The following PCDHGA10 variants were observed in gnomAD, a reference collection of about 807,000 sequenced individuals.
PCDHGA10 encodes the protein protocadherin gamma-A10.
PCDHGA10 carries 42 observed loss-of-function variants against 59.5 expected under a neutral mutation model. That is an observed-to-expected ratio of 0.71 (90% confidence interval 0.55 to 0.91). PCDHGA10 has a LOEUF of 0.91. Ranked by LOEUF, PCDHGA10 falls within the 40% of genes least tolerant of loss-of-function variation. The pLI, the probability that PCDHGA10 is intolerant of heterozygous loss-of-function variation, is 0.00. For synonymous variants in PCDHGA10, 511 were observed against 517.2 expected (o/e 0.99, Z 0.16); for missense variants, 1,111 against 1,198.2 (o/e 0.93, Z 1.07).
intron 1 of PCDHGA10, among the ~76,000 whole-genome samples, chr5:141,438,872 G>T (rs13178044): frequency 0.11 from 16,734 of 151,118 alleles, 1,094 homozygotes; most frequent in African/African-American, 0.17. Flanking sequence ...CATCAAGTTG[G>T]CCAGGCTGCT....
chr5:141,431,273 C>T lies in PCDHGA10; in HGVS notation c.2436+15662C>T, dbSNP rs752219345. 54 of 1,614,068 alleles carry T rather than the reference C, an allele frequency of 3.3e-5. No individual in the cohort carries two copies. Among genetic ancestry groups the T allele is most frequent in the Non-Finnish European group, 4.1e-5 (48 of 1,180,052 alleles). On this transcript the variant is annotated intron_variant, in intron 1 of 3. Transcript: ENST00000398610. The surrounding 1 kb of genome is among the most constrained non-coding windows in gnomAD (Gnocchi z 4.8). Reference sequence around the variant, plus strand: ...GAAGAACTCTCTGCAGAGCTACGAGCTCAGCCCGAACACTCACTTCTCCCT... The same window carrying T: ...GAAGAACTCTCTGCAGAGCTACGAGTTCAGCCCGAACACTCACTTCTCCCT...
chr5:141,421,766 C>T, intron 1 of PCDHGA10: 2 of 1,613,868 alleles, frequency 1.2e-6, no homozygotes, highest in South Asian at 1.1e-5. Context: ...AATTACTTTT[C>T]CTTGCAACTG....
chr5:141,485,408 T>G lies in PCDHGA10; in HGVS notation c.2437-9399T>G. On this transcript the variant is annotated intron_variant, in intron 1 of 3. Transcript: ENST00000398610. The surrounding 1 kb of genome is among the most constrained non-coding windows in gnomAD (Gnocchi z 5.7). ...GAACCAAAGACACTTCCGTGTGGAT[T>G]TGGACAGCGGAGCCCTGCTCATCAA... 1 of 1,614,112 alleles carries G rather than the reference T, an allele frequency of 6.2e-7. No individual in the cohort carries two copies. The highest frequency in any genetic ancestry group is 8.5e-7 in the Non-Finnish European group (1 of 1,180,034).
intron 1 of PCDHGA10, chr5:141,419,815 A>T: frequency 6.2e-7 from 1 of 1,613,988 alleles, no homozygotes. Context: ...GAGGACAGCC[A>T]CCCCTTTCAG....
chr5:141,435,026 C>A (rs977017371), intron 1 of PCDHGA10, among the ~76,000 whole-genome samples: 4 of 151,978 alleles, frequency 2.6e-5, no homozygotes, highest in Non-Finnish European at 5.9e-5. Context: ...GCTCTTTTCC[C>A]ACTTTTATTT....
At chr5:141,459,891 CT>C (rs1405964049) in intron 1 of PCDHGA10, among the ~76,000 whole-genome samples, 1 of 152,158 alleles carries the variant, frequency 6.6e-6, no homozygotes, top group African/African-American at 2.4e-5. Flanking sequence ...TGAACGCCTT[CT>C]TAAAATTGAG....
At chr5:141,465,767 T>A (rs1427458413) in intron 1 of PCDHGA10, among the ~76,000 whole-genome samples, 1 of 152,016 alleles carries the variant, frequency 6.6e-6, no homozygotes, top group Non-Finnish European at 1.5e-5. Context: ...TCATGTTTCA[T>A]CTCTTGTTAC....
chr5:141,428,387 G>A, intron 1 of PCDHGA10: 1 of 505,948 alleles, frequency 2.0e-6, no homozygotes, highest in South Asian at 2.0e-5. Context: ...TGCTCTTCCA[G>A]CCCCTCTGCC....
Position 141,491,302 on chromosome 5 carries a change from T to TC in PCDHGA10, c.2437-3504dup. The TC allele has an allele frequency of 6.2e-7, 1 of 1,614,126 alleles. No individual in the cohort carries two copies. Among genetic ancestry groups the TC allele is most frequent in the Non-Finnish European group, 8.5e-7 (1 of 1,180,000 alleles). On this transcript the variant is annotated intron_variant, in intron 1 of 3. Transcript: ENST00000398610. The surrounding 1 kb of genome is among the most constrained non-coding windows in gnomAD (Gnocchi z 6.9). ...CTTCCTCATACACCCTCCTGAGCGT[T>TC]CAGACCTTACCCTTTACCTCATTGT... is the stretch of plus-strand genomic sequence containing the variant.
Position 141,477,983 on chromosome 5 carries a change from C to T in PCDHGA10, c.2437-16824C>T. 1 of 1,614,126 alleles carries T rather than the reference C, an allele frequency of 6.2e-7. No individual in the cohort carries two copies. Among genetic ancestry groups the T allele is most frequent in the Non-Finnish European group, 8.5e-7 (1 of 1,180,024 alleles). ...TAACCAGAGCCTTTTTGCCATAGGGCTGCACACTGGTCAAATCAGTACTGC... is the reference window on the plus strand; with the variant it reads ...TAACCAGAGCCTTTTTGCCATAGGGTTGCACACTGGTCAAATCAGTACTGC... On this transcript the variant is annotated intron_variant, in intron 1 of 3. Coordinates refer to ENST00000398610, the MANE Select transcript of PCDHGA10 (RefSeq NM_018913.3). The surrounding 1 kb of genome is among the most constrained non-coding windows in gnomAD (Gnocchi z 4.9).
chr5:141,414,533 C>T lies in PCDHGA10; in HGVS notation c.1358C>T (p.Pro453Leu). The change falls in exon 1 of 4, where the codon CCA becomes CTA. Residue 453 changes from proline to leucine, a missense_variant. Coordinates refer to ENST00000398610, the MANE Select transcript of PCDHGA10 (RefSeq NM_018913.3). ...CAAGTGGCAGATATCAATGACAACCCACCTACCTTCTCTCAAGTCTCCTAC... is the reference window on the plus strand; with the variant it reads ...CAAGTGGCAGATATCAATGACAACCTACCTACCTTCTCTCAAGTCTCCTAC... Reference protein sequence around the residue: ...MLQVADINDNPPTFSQVSYFT... With the variant: ...MLQVADINDNLPTFSQVSYFT... The T allele has an allele frequency of 6.2e-7, 1 of 1,613,960 alleles. No homozygotes were observed. Among genetic ancestry groups the T allele is most frequent in the Non-Finnish European group, 8.5e-7 (1 of 1,179,894 alleles).
In PCDHGA10 at chr5:141,489,180, C is replaced by T. The variant is rs942218118; in HGVS notation, c.2437-5627C>T. 7.9e-7 allele frequency: 1 copy of T among 1,259,748 alleles called. No homozygotes were observed. The highest frequency in any genetic ancestry group is 2.0e-4 in the Middle Eastern group (1 of 5,096). The allele number at this position is 1,259,748 out of a possible 1,614,324, so 78.0% of individuals were successfully genotyped here. A position where few individuals can be genotyped will look rare whatever the true frequency, so the allele number is the denominator to read the frequency against. On this transcript the variant is annotated intron_variant, in intron 1 of 3. Coordinates refer to ENST00000398610, the MANE Select transcript of PCDHGA10 (RefSeq NM_018913.3). This position sits in a 1 kb window ranked among gnomAD's most constrained non-coding sequence, Gnocchi z 4.5. ...GACTTCAGCTGCTGCATTCCAAGCCCTGGGTCTACCTTGGAGACAGGACAG... is the reference window on the plus strand; with the variant it reads ...GACTTCAGCTGCTGCATTCCAAGCCTTGGGTCTACCTTGGAGACAGGACAG...
chr5:141,497,804 T>G (rs1196976996), intron 2 of PCDHGA10, among the ~76,000 whole-genome samples: 1 of 152,186 alleles, frequency 6.6e-6, no homozygotes, highest in Non-Finnish European at 1.5e-5. Context: ...CTTCCCAAAG[T>G]GCTAGAATTA....
intron 1 of PCDHGA10, among the ~76,000 whole-genome samples, chr5:141,468,952 G>GTT (rs34870721): frequency 3.3e-5 from 5 of 151,198 alleles, no homozygotes; most frequent in Admixed American, 6.6e-5. Flanking sequence ...TAAACCTGTG[G>GTT]TTTTTTTTAC....
Position 141,414,762 on chromosome 5 carries a change from T to G in PCDHGA10, c.1587T>G (p.Phe529Leu). ...YALRSFDYEQ[F>L]HELQMQVTAS... Reference sequence around the variant, plus strand: ...TCAGATCCTTCGACTATGAGCAGTTTCATGAGCTACAGATGCAGGTGACAG... The same window carrying G: ...TCAGATCCTTCGACTATGAGCAGTTGCATGAGCTACAGATGCAGGTGACAG... Residue 529 changes from phenylalanine to leucine, a missense_variant, in exon 1 of 4, where the codon TTT (phenylalanine) becomes TTG (leucine). Physicochemically the swap from Phe to Leu is conservative, Grantham distance 22. Coordinates refer to ENST00000398610, the MANE Select transcript of PCDHGA10 (RefSeq NM_018913.3). 1 of 1,614,210 alleles carries G rather than the reference T, an allele frequency of 6.2e-7. No individual in the cohort carries two copies.
At chr5:141,498,588 A>G (rs1326073516) in intron 2 of PCDHGA10, among the ~76,000 whole-genome samples, 1 of 152,082 alleles carries the variant, frequency 6.6e-6, no homozygotes, top group Non-Finnish European at 1.5e-5. Context: ...GTTCTTCAGT[A>G]AACTTGGTTC....
chr5:141,483,750 A>G (rs1453478545), intron 1 of PCDHGA10, among the ~76,000 whole-genome samples: 1 of 152,138 alleles, frequency 6.6e-6, no homozygotes, highest in African/African-American at 2.4e-5. Flanking sequence ...ATTCCTGAGG[A>G]TCGAGGCTTG....
rs117623972 is a variant in PCDHGA10 at position 141,503,322 on chromosome 5, C to T, written c.2496-2071C>T. On this transcript the variant is annotated intron_variant, in intron 2 of 3. Transcript: ENST00000398610. Reference sequence around the variant, plus strand: ...GCTCAAGAAAGAATTGTTGGAGGGGCGCGGTGGCTCACGCCTGTAATTCCA... The same window carrying T: ...GCTCAAGAAAGAATTGTTGGAGGGGTGCGGTGGCTCACGCCTGTAATTCCA... Among the ~76,000 whole-genome samples, 216 of 152,126 alleles carry T rather than the reference C, an allele frequency of 1.4e-3. 8 individuals carry two copies. In the East Asian group the frequency reaches 0.038, roughly 27 times the overall value.
intron 1 of PCDHGA10, chr5:141,421,903 G>A (rs757656265): frequency 6.2e-6 from 10 of 1,613,704 alleles, no homozygotes; most frequent in African/African-American, 1.3e-5. Flanking sequence ...CCGAAAGGGC[G>A]CAGTTCCCAT....
Sources: gnomAD v4.1 joint callset for allele counts (sites outside exome capture counted in the v4.1 genomes callset) on GRCh38, gnomAD v4.1.1 for gene constraint, Gnocchi (gnomAD v3.1) non-coding constraint, MANE v1.5 for transcripts, NCBI Gene and HGNC (gene_info 2026-07-23, HGNC 2026-07-21) for gene names.